Variants in SLC34A2 observed in about 807,000 individuals in gnomAD.
SLC34A2 encodes the protein solute carrier family 34 member 2, also known as sodium-dependent phosphate transport protein 2B.
SLC34A2 carries 41 observed loss-of-function variants against 50.8 expected under a neutral mutation model. That is an observed-to-expected ratio of 0.81 (90% CI 0.63 to 1.05). The LOEUF (loss-of-function observed/expected upper bound fraction) is 1.05. Among genes scored for constraint, SLC34A2 ranks in the 50% least tolerant of loss-of-function variants. The probability of loss-of-function intolerance (pLI) is 0.00; values close to 1 mark genes in which losing one functional copy is unlikely to be tolerated. For synonymous variants in SLC34A2, 401 were observed against 364.2 expected (o/e 1.10, Z -1.15); for missense variants, 879 against 876.7 (o/e 1.00, Z -0.03).
chr4:25,669,396 T>A (rs1256159174), intron 6 of SLC34A2, among the ~76,000 whole-genome samples: 1 of 152,172 alleles, frequency 6.6e-6, no homozygotes, highest in African/African-American at 2.4e-5. Context: ...TTCGAAACAG[T>A]GATTGCTGAG....
chr4:25,672,591 A>G (rs1483304207), intron 9 of SLC34A2, among the ~76,000 whole-genome samples: 1 of 152,134 alleles, frequency 6.6e-6, no homozygotes, highest in Admixed American at 6.5e-5. Flanking sequence ...TCTAGGTATG[A>G]TTACCCCAAA....
chr4:25,674,881 T>C (rs1715029892), intron 12 of SLC34A2, among the ~76,000 whole-genome samples: 2 of 152,170 alleles, frequency 1.3e-5, no homozygotes, highest in African/African-American at 4.8e-5. Flanking sequence ...CCCCTTGATA[T>C]AGATGTGGAA....
chr4:25,676,862 G>C lies in SLC34A2; in HGVS notation c.*113G>C. The C allele has an allele frequency of 6.9e-7, 1 of 1,450,486 alleles. No homozygotes were observed. Among genetic ancestry groups the C allele is most frequent in the Non-Finnish European group, 9.5e-7 (1 of 1,052,388 alleles). The allele number at this position is 1,450,486 out of a possible 1,614,324, so 89.9% of individuals were successfully genotyped here. A position where few individuals can be genotyped will look rare whatever the true frequency, so the allele number is the denominator to read the frequency against. On this transcript the variant is annotated 3_prime_UTR_variant, in exon 13 of 13. Transcript: ENST00000382051. ...TCGAGGAGATTTGCTCCCCATTAGC[G>C]AATGAAATTGATGCAGTCCTACCTA...
intron 1 of SLC34A2, among the ~76,000 whole-genome samples, chr4:25,662,270 G>T (rs1478529362): frequency 2.0e-5 from 3 of 152,244 alleles, no homozygotes; most frequent in Non-Finnish European, 4.4e-5. Context: ...GAGGTAGTTT[G>T]CTTTAGCGAC....
chr4:25,674,581 C>G lies in SLC34A2; in HGVS notation c.1410C>G (p.Ile470Met), dbSNP rs1715012725. ...ACATCGGCACCACCACCACCGCCAT[C>G]CTGGCCGCCTTAGCCAGCCCTGGCA... ...GSNIGTTTTA[I>M]LAALASPGNA... The change falls in exon 12 of 13, where the codon ATC becomes ATG. Residue 470 changes from isoleucine to methionine, a missense_variant. Physicochemically the swap from Ile to Met is conservative, Grantham distance 10 (BLOSUM62 1). Transcript: ENST00000382051. The G allele has an allele frequency of 1.2e-6, 2 of 1,614,238 alleles. No individual in the cohort carries two copies. Among genetic ancestry groups the G allele is most frequent in the Non-Finnish European group, 8.5e-7 (1 of 1,180,044 alleles).
In SLC34A2 at chr4:25,677,411, T is replaced by C. The variant is rs1171270917; in HGVS notation, c.*662T>C. 6.5e-6 allele frequency: 1 copy of C among 152,908 alleles called. No individual in the cohort carries two copies. Among genetic ancestry groups the C allele is most frequent in the Non-Finnish European group, 1.5e-5 (1 of 68,562 alleles). The allele number at this position is 152,908 out of a possible 1,614,324, so 9.5% of individuals were successfully genotyped here. Reference sequence around the variant, plus strand: ...TTTCCTTGTCCTCATGCTTCGGGGATGGGAGCCACGCCTGAACTAGAGTTC... The same window carrying C: ...TTTCCTTGTCCTCATGCTTCGGGGACGGGAGCCACGCCTGAACTAGAGTTC... On this transcript the variant is annotated 3_prime_UTR_variant, in exon 13 of 13. Transcript: ENST00000382051.
chr4:25,662,341 G>T (rs1000702439), intron 1 of SLC34A2, among the ~76,000 whole-genome samples, 157 bp from the exon 2 acceptor site: 9 of 152,176 alleles, frequency 5.9e-5, no homozygotes, highest in Non-Finnish European at 1.3e-4. Context: ...CCACACTTAG[G>T]GGGCATAAGT....
intron 1 of SLC34A2, among the ~76,000 whole-genome samples, chr4:25,662,258 A>G (rs538174118): frequency 1.3e-5 from 2 of 152,360 alleles, no homozygotes; most frequent in South Asian, 2.1e-4. Context: ...TCAACACTGT[A>G]CGAGGTAGTT....
At chr4:25,673,377 C>G (rs2240995) in intron 10 of SLC34A2, 123 bp downstream of exon 10, 204,417 of 977,658 alleles carry the variant, frequency 0.21, 25,500 homozygotes, top group East Asian at 0.48. Context: ...TGGATCAGCA[C>G]CAGAAGTGAG....
At chr4:25,670,705 A>G in intron 7 of SLC34A2, 33 bp from the exon 8 acceptor site, 1 of 1,549,758 alleles carries the variant, frequency 6.5e-7, no homozygotes, top group Non-Finnish European at 8.9e-7. Context: ...TTCTGAGGAT[A>G]TGCTGATGGT....
At chr4:25,676,035 G>A in intron 12 of SLC34A2, 100 bp from the exon 13 acceptor site, 2 of 1,550,960 alleles carry the variant, frequency 1.3e-6, no homozygotes, top group Non-Finnish European at 8.7e-7. Flanking sequence ...CCGAGACTGT[G>A]CTGCCTGTGA....
At chr4:25,655,966 C>G (rs1402817270) in intron 1 of SLC34A2, 76 bp downstream of exon 1, 1 of 152,254 alleles carries the variant, frequency 6.6e-6, no homozygotes, top group East Asian at 1.9e-4. Flanking sequence ...TTGCAAATAC[C>G]TCTCGGTGCT....
chr4:25,665,969 T>C (rs958969680), intron 4 of SLC34A2, among the ~76,000 whole-genome samples, 159 bp from the exon 5 acceptor site: 1 of 152,104 alleles, frequency 6.6e-6, no homozygotes, highest in African/African-American at 2.4e-5. Context: ...GGAAGAGGCA[T>C]GGGGAAGCAA....
chr4:25,662,806 C>T lies in SLC34A2; in HGVS notation c.214C>T (p.Leu72=), dbSNP rs1195951852. The T allele has an allele frequency of 2.5e-6, 4 of 1,613,932 alleles. No homozygotes were observed. The highest frequency in any genetic ancestry group is 2.7e-5 in the African/African-American group (2 of 74,894). The part of the protein sequence containing the change: ...EPTEVDDPWN[L]PTLQDSGIKW... ...CACTGAGGTGGATGACCCCTGGAAC[C>T]TACCCACTCTTCAGGACTCGGGGAT... Residue 72 remains leucine (L), a synonymous_variant, in exon 3 of 13, where the codon CTA becomes TTA. Coordinates refer to ENST00000382051, the MANE Select transcript of SLC34A2 (RefSeq NM_006424.3).
At position 25,669,582 on chromosome 4, in the gene SLC34A2, A is replaced by G. The variant is rs16877405; in HGVS notation, c.636-65A>G. 1,536 of 1,426,776 alleles carry G rather than the reference A, an allele frequency of 1.1e-3. 11 individuals are homozygous for G. The African/African-American group carries it at 0.019, about 17-fold the overall frequency. 88.4% of individuals were successfully genotyped at this position (1,426,776 alleles called of 1,614,324 possible). A position where few individuals can be genotyped will look rare whatever the true frequency, so the allele number is the denominator to read the frequency against. On this transcript the variant is annotated intron_variant, in intron 6 of 12. Transcript: ENST00000382051. ...AGGGTGGCAGATGATACAGGTAATG[A>G]CCCACCTCACATGGTGCCCACTTGC...
chr4:25,662,168 G>A (rs905956559), intron 1 of SLC34A2, among the ~76,000 whole-genome samples: 12 of 152,226 alleles, frequency 7.9e-5, no homozygotes, highest in South Asian at 4.1e-4. Flanking sequence ...CACGGTGCCC[G>A]TTGCACCCTG....
At chr4:25,663,963 T>C (rs1304944811) in intron 3 of SLC34A2, among the ~76,000 whole-genome samples, 1 of 152,096 alleles carries the variant, frequency 6.6e-6, no homozygotes, top group Non-Finnish European at 1.5e-5. Flanking sequence ...CGCAAATCCT[T>C]TAGAGGCACT....
intron 1 of SLC34A2, among the ~76,000 whole-genome samples, chr4:25,658,550 G>C (rs1714007401): frequency 6.6e-6 from 1 of 152,220 alleles, no homozygotes; most frequent in African/African-American, 2.4e-5. Context: ...GCCAAGTCAA[G>C]AAAGTTCCTC....
In SLC34A2 at chr4:25,675,987, C is replaced by G. The variant is rs1715085871; in HGVS notation, c.1459-148C>G. On this transcript the variant is annotated intron_variant, in intron 12 of 12. Transcript: ENST00000382051. Reference sequence around the variant, plus strand: ...GGTCCTCATGGAATCCAGGTACCCTCTGGGCTGAGCCATAAGGACAAAGAA... The same window carrying G: ...GGTCCTCATGGAATCCAGGTACCCTGTGGGCTGAGCCATAAGGACAAAGAA... 3 of 1,304,794 alleles carry G rather than the reference C, an allele frequency of 2.3e-6. No homozygotes were observed. The South Asian group carries it at 3.9e-5, about 17-fold the overall frequency. 80.8% of individuals were successfully genotyped at this position (1,304,794 alleles called of 1,614,324 possible).
Sources: allele counts gnomAD v4.1 joint callset (sites outside exome capture counted in the v4.1 genomes callset), GRCh38; gene constraint gnomAD v4.1.1; transcripts MANE v1.5; gene names NCBI Gene and HGNC (gene_info 2026-07-23, HGNC 2026-07-21).